Variants in RPL28 observed in about 807,000 individuals in gnomAD.
RPL28 encodes the protein large ribosomal subunit protein eL28.
RPL28 carries 4 observed loss-of-function variants against 12.5 expected under a neutral mutation model. The observed-to-expected ratio is 0.32, with a 90% confidence interval of 0.16 to 0.73. RPL28 has a LOEUF of 0.73. Ranked by LOEUF, RPL28 falls within the 30% of genes least tolerant of loss-of-function variation. The probability of loss-of-function intolerance (pLI) is 0.66; values close to 1 mark genes in which losing one functional copy is unlikely to be tolerated. For synonymous variants in RPL28, 91 were observed against 72.5 expected, an observed-to-expected ratio of 1.26 and a Z score of -1.30; for missense variants, 214 against 197.7, an observed-to-expected ratio of 1.08 and a Z score of -0.49.
intron 1 of RPL28, 51 bp from the exon 2 acceptor site, chr19:55,386,298 GC>G: frequency 6.4e-7 from 1 of 1,565,818 alleles, no homozygotes; most frequent in South Asian, 1.1e-5. Context: ...GTGGCCTAAC[GC>G]TGCTTTAGTT....
chr19:55,390,206 A>C lies in RPL28; in HGVS notation c.*1874A>C. The C allele has an allele frequency of 1.0e-6, 1 of 985,322 alleles. No individual in the cohort carries two copies. Among genetic ancestry groups the C allele is most frequent in the African/African-American group, 1.7e-5 (1 of 57,340 alleles). 61.0% of individuals were successfully genotyped at this position (985,322 alleles called of 1,614,324 possible). On this transcript the variant is annotated 3_prime_UTR_variant, in exon 5 of 5. Transcript: ENST00000344063. ...GCCCACCGGTCCTGAGAGTTTGCTC[A>C]CTGGAGACTTTCTGGAGATGGAGTC...
intron 4 of RPL28, chr19:55,400,644 A>T (rs1249995749): frequency 6.6e-6 from 1 of 152,282 alleles, no homozygotes; most frequent in Non-Finnish European, 1.5e-5. Context: ...ATGAGCATGG[A>T]AGAGGACCCA....
rs772257548 is a variant in RPL28, at chr19:55,391,588, G to A, written c.*3256G>A. On this transcript the variant is annotated 3_prime_UTR_variant, in exon 5 of 5. Coordinates refer to ENST00000344063, the MANE Select transcript of RPL28 (RefSeq NM_000991.5). ...GCATCTACTGGGTCAGGGCTCTGCTGCTCGGTGGCTGTGCAACCTTGGGCA... is the reference window on the plus strand; with the variant it reads ...GCATCTACTGGGTCAGGGCTCTGCTACTCGGTGGCTGTGCAACCTTGGGCA... The A allele has an allele frequency of 6.5e-7, 1 of 1,548,448 alleles. No homozygotes were observed. Among genetic ancestry groups the A allele is most frequent in the Non-Finnish European group, 8.7e-7 (1 of 1,144,366 alleles).
chr19:55,401,414 G>A lies in RPL28; in HGVS notation c.325-1529G>A, dbSNP rs950506715. ...GGGGACAGGAGAGGTTGGGGTCACG[G>A]TGGAAGGAGGAAGAGAGCCCACTAC... On this transcript the variant is annotated intron_variant, in intron 4 of 4. Coordinates refer to the RPL28 transcript ENST00000560055. The A allele has an allele frequency of 1.9e-6, 3 of 1,554,080 alleles. No individual in the cohort carries two copies. In the African/African-American group the frequency reaches 4.1e-5, roughly 21 times the overall value.
rs867972804 is a variant in RPL28 at position 55,391,060 on chromosome 19, C to T, written c.*2728C>T. The T allele has an allele frequency of 5.9e-6, 4 of 679,634 alleles. No homozygotes were observed. The highest frequency in any genetic ancestry group is 7.3e-6 in the Non-Finnish European group (4 of 550,452). The allele number at this position is 679,634 out of a possible 1,614,324, so 42.1% of individuals were successfully genotyped here. On this transcript the variant is annotated 3_prime_UTR_variant, in exon 5 of 5. Coordinates refer to ENST00000344063, the MANE Select transcript of RPL28 (RefSeq NM_000991.5). ...CAAAATTGGGAGAACAAAAGAAAAG[C>T]GTCTTGTCACATACAGAAGGTCCCT...
intron 4 of RPL28, chr19:55,400,299 G>C (rs541872311): frequency 6.6e-6 from 1 of 152,226 alleles, no homozygotes; most frequent in Non-Finnish European, 1.5e-5. Context: ...TTACAGGCGT[G>C]AGCCATTGCG....
At chr19:55,386,310 C>T (rs370219372) in intron 1 of RPL28, 40 bp from the exon 2 acceptor site, 6 of 1,593,344 alleles carry the variant, frequency 3.8e-6, no homozygotes, top group South Asian at 1.1e-5. Flanking sequence ...TGCTTTAGTT[C>T]TCTGTGTCTG....
chr19:55,401,810 A>G lies in RPL28; in HGVS notation c.325-1133A>G, dbSNP rs780384367. On this transcript the variant is annotated intron_variant, in intron 4 of 4. Transcript: ENST00000560055. ...ACAGTGGGTCGGGCAACCTACAGGG[A>G]CCCCCAGGCCTCCACAAGAGGGTGG... is the stretch of plus-strand genomic sequence containing the variant. 6.9e-6 allele frequency: 11 copies of G among 1,602,988 alleles called. No homozygotes were observed. In the South Asian group the frequency reaches 1.2e-4, roughly 18 times the overall value.
Position 55,390,063 on chromosome 19 carries a change from C to T in RPL28, c.*1731C>T, listed in dbSNP as rs1273134898. The T allele has an allele frequency of 3.0e-6, 3 of 985,508 alleles. No individual in the cohort carries two copies. Among genetic ancestry groups the T allele is most frequent in the Middle Eastern group, 5.2e-4 (1 of 1,914 alleles). 61.0% of individuals were successfully genotyped at this position (985,508 alleles called of 1,614,324 possible). A position where few individuals can be genotyped will look rare whatever the true frequency, so the allele number is the denominator to read the frequency against. ...GTCCTCCACAGCACTGATTTGCAGC[C>T]CACAAGCTGGCAGGTTTATCTGTCT... On this transcript the variant is annotated 3_prime_UTR_variant, in exon 5 of 5. Transcript: ENST00000344063.
downstream of RPL28, among the ~76,000 whole-genome samples, chr19:55,395,506 C>T (rs988174001): frequency 9.3e-5 from 14 of 150,592 alleles, no homozygotes; most frequent in African/African-American, 2.4e-4. Context: ...TGCAGTGGCG[C>T]CATCTCGGCT....
downstream of RPL28, among the ~76,000 whole-genome samples, chr19:55,395,099 A>C (rs2090013094): frequency 6.6e-6 from 1 of 152,100 alleles, no homozygotes; most frequent in Non-Finnish European, 1.5e-5. Flanking sequence ...CCATGTGATG[A>C]ATATTAGCCT....
Position 55,390,610 on chromosome 19 carries a change from C to G in RPL28, c.*2278C>G. The G allele has an allele frequency of 1.0e-6, 1 of 985,730 alleles. No individual in the cohort carries two copies. Among genetic ancestry groups the G allele is most frequent in the Middle Eastern group, 5.2e-4 (1 of 1,914 alleles). The allele number at this position is 985,730 out of a possible 1,614,324, so 61.1% of individuals were successfully genotyped here. A position where few individuals can be genotyped will look rare whatever the true frequency, so the allele number is the denominator to read the frequency against. The stretch of plus-strand genomic sequence containing the variant: ...GTGGAGTCCTGCTGGCTTTCTCCAT[C>G]CCTATCTGAATCCTCCCTGCTGTGT... On this transcript the variant is annotated 3_prime_UTR_variant, in exon 5 of 5. Coordinates refer to ENST00000344063, the MANE Select transcript of RPL28 (RefSeq NM_000991.5).
chr19:55,398,435 A>C (rs2090037009), intron 4 of RPL28, among the ~76,000 whole-genome samples: 1 of 152,248 alleles, frequency 6.6e-6, no homozygotes, highest in South Asian at 2.1e-4. Context: ...ACTGGAGTCT[A>C]TAGGAGTTCC....
chr19:55,395,443 CTT>C (rs535831486), downstream of RPL28, among the ~76,000 whole-genome samples: 1,505 of 132,064 alleles, frequency 0.011, 29 homozygotes, highest in African/African-American at 0.039. Context: ...TTCTTTTTCT[CTT>C]TTTTTTTTTT....
rs774820586 is a variant in RPL28, at chr19:55,389,982, C to G, written c.*1650C>G. ...GCCTTCATAAGGAGAGCTCACTGCT[C>G]ACGTTAGTAGATGGCCCCTTCTCGT... On this transcript the variant is annotated 3_prime_UTR_variant, in exon 5 of 5. Transcript: ENST00000344063. 30 of 985,526 alleles carry G rather than the reference C, an allele frequency of 3.0e-5. No individual in the cohort carries two copies. Among genetic ancestry groups the G allele is most frequent in the Non-Finnish European group, 3.6e-5 (30 of 829,994 alleles). 61.0% of individuals were successfully genotyped at this position (985,526 alleles called of 1,614,324 possible).
downstream of RPL28, among the ~76,000 whole-genome samples, chr19:55,395,020 A>C (rs577373728): frequency 1.1e-4 from 17 of 152,366 alleles, no homozygotes; most frequent in South Asian, 3.5e-3. Context: ...ATTTGCTTGT[A>C]TATGCATCGA....
At chr19:55,387,383 C>G (rs2089942518) in intron 3 of RPL28, 6 of 1,551,194 alleles carry the variant, frequency 3.9e-6, no homozygotes, top group South Asian at 2.4e-5. Context: ...TAGTGATCCT[C>G]CTGTCTCAGG....
At chr19:55,387,665 T>A in intron 3 of RPL28, 1 of 1,389,518 alleles carries the variant, frequency 7.2e-7, no homozygotes, top group Non-Finnish European at 9.3e-7. Context: ...AAGCGGCAGC[T>A]TTCTGGCATG....
intron 3 of RPL28, chr19:55,387,181 C>A: frequency 7.5e-7 from 1 of 1,330,880 alleles, no homozygotes; most frequent in Non-Finnish European, 1.1e-6. Context: ...CTGTCAGGTG[C>A]AGGCCTTTTT....
Sources: allele counts gnomAD v4.1 joint callset (sites outside exome capture counted in the v4.1 genomes callset), GRCh38; gene constraint gnomAD v4.1.1; transcripts MANE v1.5; gene names NCBI Gene and HGNC (gene_info 2026-07-23, HGNC 2026-07-21).